The following FAF1 variants were observed in gnomAD, a reference collection of about 807,000 sequenced individuals.
FAF1 encodes FAS-associated factor 1.
Under a neutral mutation model 92.5 loss-of-function variants are expected in FAF1, and 25 were observed. That is an observed-to-expected ratio of 0.27 (90% confidence interval 0.20 to 0.38). FAF1 has a LOEUF of 0.38. Among genes scored for constraint, FAF1 ranks in the 10% least tolerant of loss-of-function variants. The probability of loss-of-function intolerance (pLI) is 1.00; values close to 1 mark genes in which losing one functional copy is unlikely to be tolerated. For synonymous variants in FAF1, 234 were observed against 273.2 expected (o/e 0.86, Z 1.42); for missense variants, 636 against 793.3 (o/e 0.80, Z 2.38).
intron 2 of FAF1, among the ~76,000 whole-genome samples, chr1:50,832,288 T>C (rs1644161686): frequency 6.6e-6 from 1 of 152,146 alleles, no homozygotes; most frequent in Non-Finnish European, 1.5e-5. Context: ...AGAGGACTAC[T>C]AGCAGAAAAG....
At chr1:50,711,277 T>C (rs1255226004) in intron 6 of FAF1, among the ~76,000 whole-genome samples, 1 of 152,134 alleles carries the variant, frequency 6.6e-6, no homozygotes, top group South Asian at 2.1e-4. Context: ...AGAACACTTT[T>C]GAAGGGTACT....
chr1:50,647,592 T>G (rs1032086168), intron 8 of FAF1, among the ~76,000 whole-genome samples: 1 of 152,170 alleles, frequency 6.6e-6, no homozygotes, highest in Non-Finnish European at 1.5e-5. Flanking sequence ...AATAGATAGA[T>G]TAAAACAATA....
chr1:50,819,003 C>T (rs762378997), intron 2 of FAF1, among the ~76,000 whole-genome samples: 45 of 152,096 alleles, frequency 3.0e-4, no homozygotes, highest in Non-Finnish European at 6.0e-4. Context: ...GACTGTGACC[C>T]ATCACATAAG....
chr1:50,859,404 TAA>T (rs1429895878), intron 1 of FAF1, among the ~76,000 whole-genome samples: 1 of 151,782 alleles, frequency 6.6e-6, no homozygotes, highest in Non-Finnish European at 1.5e-5. Flanking sequence ...ATAACTTCAG[TAA>T]AGTTTCAAGA....
chr1:50,503,415 T>G (rs1647015969), intron 15 of FAF1, among the ~76,000 whole-genome samples: 1 of 152,112 alleles, frequency 6.6e-6, no homozygotes, highest in Non-Finnish European at 1.5e-5. Context: ...GCTAAGAGTT[T>G]GAGAACAGCC....
chr1:50,666,686 C>T (rs930238422), intron 7 of FAF1, among the ~76,000 whole-genome samples: 1 of 152,098 alleles, frequency 6.6e-6, no homozygotes, highest in South Asian at 2.1e-4. Flanking sequence ...AGTTTGAGAC[C>T]AGCCTGGCCA....
chr1:50,701,789 G>C (rs1002294307), intron 7 of FAF1, among the ~76,000 whole-genome samples: 1 of 151,978 alleles, frequency 6.6e-6, no homozygotes, highest in Admixed American at 6.6e-5. Flanking sequence ...TGTACAAACT[G>C]TAATAGTACT....
At chr1:50,481,831 C>T (rs1646707392) in intron 17 of FAF1, among the ~76,000 whole-genome samples, 1 of 152,038 alleles carries the variant, frequency 6.6e-6, no homozygotes, top group African/African-American at 2.4e-5. Context: ...CAGTAAGTAG[C>T]AAGGCCCAGG....
intron 2 of FAF1, among the ~76,000 whole-genome samples, chr1:50,819,638 TCACACACACACA>T (rs375892280): frequency 1.0e-5 from 1 of 97,822 alleles, no homozygotes; most frequent in South Asian, 3.2e-4. Context: ...ACTGACTCAC[TCACACACACACA>T]CACACACACA....
intron 13 of FAF1, among the ~76,000 whole-genome samples, chr1:50,548,233 T>A (rs1649127682): frequency 6.6e-6 from 1 of 152,204 alleles, no homozygotes; most frequent in South Asian, 2.1e-4. Flanking sequence ...CTTTGATAAA[T>A]CAAGGCCCCC....
At chr1:50,487,308 A>G (rs1203506196) in intron 17 of FAF1, among the ~76,000 whole-genome samples, 1 of 152,210 alleles carries the variant, frequency 6.6e-6, no homozygotes, top group African/African-American at 2.4e-5. Flanking sequence ...ATAAGTATAG[A>G]ACAGATTTTA....
At chr1:50,648,917 A>G (rs1358464996) in intron 8 of FAF1, among the ~76,000 whole-genome samples, 2 of 152,020 alleles carry the variant, frequency 1.3e-5, no homozygotes, top group African/African-American at 2.4e-5. Context: ...CAAGAGCGAA[A>G]CTCCATCTCA....
At chr1:50,563,740 G>A (rs924996605) in intron 13 of FAF1, among the ~76,000 whole-genome samples, 3 of 152,130 alleles carry the variant, frequency 2.0e-5, no homozygotes, top group Non-Finnish European at 4.4e-5. Context: ...AATTTAGCAG[G>A]GGAGATGACA....
chr1:50,922,074 G>C (rs1263257057), intron 1 of FAF1, among the ~76,000 whole-genome samples: 1 of 151,974 alleles, frequency 6.6e-6, no homozygotes, highest in Non-Finnish European at 1.5e-5. Context: ...GTTGAGGCAG[G>C]AGAATTGCTT....
chr1:50,733,289 T>C (rs762705045), intron 6 of FAF1, among the ~76,000 whole-genome samples: 29 of 152,256 alleles, frequency 1.9e-4, no homozygotes, highest in Non-Finnish European at 3.7e-4. Flanking sequence ...CAACCATTAC[T>C]GTAACAGTAC....
At chr1:50,847,890 C>T (rs535919449) in intron 2 of FAF1, among the ~76,000 whole-genome samples, 42 of 149,970 alleles carry the variant, frequency 2.8e-4, no homozygotes, top group Middle Eastern at 6.8e-3. Context: ...CACACATATA[C>T]ACACACACAC....
intron 8 of FAF1, among the ~76,000 whole-genome samples, chr1:50,603,539 A>T (rs1391356476): frequency 1.3e-5 from 2 of 152,234 alleles, no homozygotes; most frequent in Non-Finnish European, 2.9e-5. Context: ...AACCGAACTG[A>T]GTCATGAGGC....
At chr1:50,919,436 A>T (rs576776664) in intron 1 of FAF1, among the ~76,000 whole-genome samples, 1 of 152,284 alleles carries the variant, frequency 6.6e-6, no homozygotes, top group African/African-American at 2.4e-5. Flanking sequence ...AACACGTATA[A>T]GTAAAATACA....
chr1:50,726,697 C>G (rs768457363), intron 6 of FAF1, among the ~76,000 whole-genome samples: 1 of 151,766 alleles, frequency 6.6e-6, no homozygotes, highest in South Asian at 2.1e-4. Flanking sequence ...GGCGTGGTGG[C>G]GGGCACCTGT....
Sources: allele counts gnomAD v4.1 joint callset (sites outside exome capture counted in the v4.1 genomes callset), GRCh38; gene constraint gnomAD v4.1.1; transcripts MANE v1.5; gene names NCBI Gene and HGNC (gene_info 2026-07-23, HGNC 2026-07-21).